Variants in GLTP observed in about 807,000 individuals in gnomAD.
GLTP encodes the protein glycolipid transfer protein.
In GLTP, 22 loss-of-function variants were observed where a neutral mutation model predicts 24.0. The observed-to-expected ratio is 0.92, with a 90% CI of 0.65 to 1.31. GLTP has a LOEUF of 1.31. GLTP is among the 50% of genes most tolerant of loss of function. The pLI is 0.00. For missense variants in GLTP, 224 were observed against 276.6 expected (o/e 0.81, Z 1.35); for synonymous variants, 92 against 115.9 (o/e 0.79, Z 1.33).
At chr12:109,852,842 A>G in intron 4 of GLTP, 105 bp from the exon 5 acceptor site, 2 of 693,060 alleles carry the variant, frequency 2.9e-6, no homozygotes, top group Admixed American at 2.3e-5. Context: ...TCTGTGCTGG[A>G]CAGGGGGTTG....
chr12:109,866,286 T>C (rs980346859), intron 1 of GLTP: 4 of 152,200 alleles, frequency 2.6e-5, no homozygotes, highest in African/African-American at 9.6e-5. Flanking sequence ...CTCTACTGAT[T>C]AGCATGGGAA....
chr12:109,878,051 C>G (rs1868941181), intron 1 of GLTP, among the ~76,000 whole-genome samples: 1 of 152,132 alleles, frequency 6.6e-6, no homozygotes, highest in South Asian at 2.1e-4. Flanking sequence ...ATAAATGGTA[C>G]TTCTGTCAAC....
intron 4 of GLTP, 34 bp from the exon 5 acceptor site, chr12:109,852,771 G>A (rs371799186): frequency 1.4e-5 from 20 of 1,480,736 alleles, no homozygotes; most frequent in African/African-American, 6.9e-5. Context: ...TAGGCACAGC[G>A]TTAGCGGGGG....
chr12:109,853,375 G>GA (rs1399655523), intron 4 of GLTP, among the ~76,000 whole-genome samples: 1 of 151,980 alleles, frequency 6.6e-6, no homozygotes, highest in East Asian at 1.9e-4. Flanking sequence ...AGAGCCAGAA[G>GA]AAAAAAGGTA....
chr12:109,870,204 G>A (rs917385933), intron 1 of GLTP, among the ~76,000 whole-genome samples: 5 of 152,076 alleles, frequency 3.3e-5, no homozygotes, highest in African/African-American at 4.8e-5. Context: ...CATGGCTCAG[G>A]CCTGTAATCC....
At chr12:109,868,257 C>T (rs1349617739) in intron 1 of GLTP, among the ~76,000 whole-genome samples, 1 of 152,246 alleles carries the variant, frequency 6.6e-6, no homozygotes, top group African/African-American at 2.4e-5. Flanking sequence ...GTGATCCTCC[C>T]GCCTTGGCCT....
chr12:109,869,509 G>A (rs1273386570), intron 1 of GLTP, among the ~76,000 whole-genome samples: 3 of 140,664 alleles, frequency 2.1e-5, no homozygotes, highest in African/African-American at 7.9e-5. Flanking sequence ...AGGCTGGAGT[G>A]CAGTGGCCTG....
At chr12:109,858,766 T>C in intron 1 of GLTP, 25 bp from the exon 2 acceptor site, 3 of 1,540,464 alleles carry the variant, frequency 1.9e-6, no homozygotes, top group Non-Finnish European at 2.7e-6. Context: ...AGAAGACAGA[T>C]TGAGATTCGC....
At chr12:109,868,418 T>C (rs1382086068) in intron 1 of GLTP, among the ~76,000 whole-genome samples, 2 of 152,200 alleles carry the variant, frequency 1.3e-5, no homozygotes, top group Non-Finnish European at 2.9e-5. Context: ...TGCCCCTCCA[T>C]GCCTGCCTCT....
chr12:109,880,482 G>T lies in GLTP; in HGVS notation c.-108C>A. ...GGGCCGTCACAGCCGCCCGCCGCAG[G>T]CTCCGGGGACGCCAGCGTCGCCACT... On this transcript the variant is annotated 5_prime_UTR_variant, in exon 1 of 5. Transcript: ENST00000318348. This position sits in a 1 kb window ranked among gnomAD's most constrained non-coding sequence, Gnocchi z 5.1. The T allele has an allele frequency of 3.5e-6, 1 of 284,630 alleles. No individual in the cohort carries two copies. Among genetic ancestry groups the T allele is most frequent in the African/African-American group, 2.3e-5 (1 of 44,064 alleles). 17.6% of individuals were successfully genotyped at this position (284,630 alleles called of 1,614,324 possible).
intron 1 of GLTP, among the ~76,000 whole-genome samples, chr12:109,859,527 A>ATT (rs35192952): frequency 9.3e-5 from 14 of 150,340 alleles, no homozygotes; most frequent in South Asian, 2.1e-4. Flanking sequence ...TCAAAAAATA[A>ATT]TTTTTTTTTT....
chr12:109,880,429 G>A lies in GLTP; in HGVS notation c.-55C>T. 2 of 754,642 alleles carry A rather than the reference G, an allele frequency of 2.7e-6. No individual in the cohort carries two copies. Among genetic ancestry groups the A allele is most frequent in the Non-Finnish European group, 3.6e-6 (2 of 548,260 alleles). The allele number at this position is 754,642 out of a possible 1,614,324, so 46.7% of individuals were successfully genotyped here. Reference sequence around the variant, plus strand: ...AGCCGGCGCCGCGGGCGTCGACACCGCCCCCCCGGCCGCCGCCGTCAGCGC... The same window carrying A: ...AGCCGGCGCCGCGGGCGTCGACACCACCCCCCCGGCCGCCGCCGTCAGCGC... On this transcript the variant is annotated 5_prime_UTR_variant, in exon 1 of 5. Coordinates refer to ENST00000318348, the MANE Select transcript of GLTP (RefSeq NM_016433.4). This position sits in a 1 kb window ranked among gnomAD's most constrained non-coding sequence, Gnocchi z 5.1.
chr12:109,866,654 A>C (rs576583211), intron 1 of GLTP: 1 of 152,316 alleles, frequency 6.6e-6, no homozygotes, highest in African/African-American at 2.4e-5. Flanking sequence ...ACGAGTTATG[A>C]TAAAGATGTA....
chr12:109,857,688 T>C lies in GLTP; in HGVS notation c.163-29A>G. On this transcript the variant is annotated intron_variant, in intron 2 of 4. Coordinates refer to ENST00000318348, the MANE Select transcript of GLTP (RefSeq NM_016433.4). This position sits in a 1 kb window ranked among gnomAD's most constrained non-coding sequence, Gnocchi z 4.3. ...AAATGGAGCACACAAGATTTCCCCT[T>C]GGGTAAGCTGCCCCCATAGACATCT... The C allele has an allele frequency of 6.2e-7, 1 of 1,613,954 alleles. No homozygotes were observed. The highest frequency in any genetic ancestry group is 8.5e-7 in the Non-Finnish European group (1 of 1,179,816).
At chr12:109,868,066 C>T (rs950807458) in intron 1 of GLTP, among the ~76,000 whole-genome samples, 2 of 152,152 alleles carry the variant, frequency 1.3e-5, no homozygotes, top group African/African-American at 4.8e-5. Flanking sequence ...CGTGAGCCAC[C>T]GCGCCTGGCC....
rs1253607567 is a variant in GLTP, at chr12:109,857,837, A to G, written c.163-178T>C. 10 of 651,904 alleles carry G rather than the reference A, an allele frequency of 1.5e-5. No individual in the cohort carries two copies. The highest frequency in any genetic ancestry group is 2.7e-4 in the Middle Eastern group (1 of 3,702). 40.4% of individuals were successfully genotyped at this position (651,904 alleles called of 1,614,324 possible). A position where few individuals can be genotyped will look rare whatever the true frequency, so the allele number is the denominator to read the frequency against. On this transcript the variant is annotated intron_variant, in intron 2 of 4. Coordinates refer to ENST00000318348, the MANE Select transcript of GLTP (RefSeq NM_016433.4). This position sits in a 1 kb window ranked among gnomAD's most constrained non-coding sequence, Gnocchi z 4.3. ...GTTCACATGAGCCAGGATTTGCAAA[A>G]TGCTTTACAGGCACTACCTTATATG...
At chr12:109,858,621 C>T in intron 2 of GLTP, 62 bp downstream of exon 2, 1 of 1,215,344 alleles carries the variant, frequency 8.2e-7, no homozygotes, top group Non-Finnish European at 1.2e-6. Context: ...ATGCTGGTAA[C>T]CCAGGTGGGC....
chr12:109,853,058 C>T (rs951921232), intron 4 of GLTP, among the ~76,000 whole-genome samples: 1 of 152,086 alleles, frequency 6.6e-6, no homozygotes, highest in Non-Finnish European at 1.5e-5. Flanking sequence ...GCCACCTAAT[C>T]GGGTTGCTTT....
intron 1 of GLTP, among the ~76,000 whole-genome samples, chr12:109,865,364 C>T (rs940367951): frequency 2.6e-5 from 4 of 152,238 alleles, no homozygotes; most frequent in Admixed American, 6.5e-5. Flanking sequence ...TGGTGGCTCA[C>T]GCCTGTAATC....
Sources: gnomAD v4.1 joint callset for allele counts (sites outside exome capture counted in the v4.1 genomes callset) on GRCh38, gnomAD v4.1.1 for gene constraint, Gnocchi (gnomAD v3.1) non-coding constraint, MANE v1.5 for transcripts, NCBI Gene and HGNC (gene_info 2026-07-23, HGNC 2026-07-21) for gene names.